TRHDE: variants seen among roughly 807,000 people sequenced by gnomAD.
TRHDE encodes the protein thyrotropin releasing hormone degrading enzyme.
Under a neutral mutation model 125.7 loss-of-function variants are expected in TRHDE, and 72 were observed. The observed-to-expected ratio is 0.57, with a 90% CI of 0.47 to 0.70. The LOEUF is 0.70. Among genes scored for constraint, TRHDE ranks in the 30% least tolerant of loss-of-function variants. TRHDE has a pLI of 0.00. For missense variants in TRHDE, 1,110 were observed against 1,327.1 expected (o/e 0.84, Z 2.54); for synonymous variants, 509 against 509.1 (o/e 1.00, Z 0.00).
chr12:72,352,272 T>G (rs1046955722), intron 2 of TRHDE, among the ~76,000 whole-genome samples: 5 of 151,742 alleles, frequency 3.3e-5, no homozygotes, highest in African/African-American at 1.2e-4. Context: ...TTTTCTTAAT[T>G]GTGTCTGTTT....
At chr12:72,401,275 C>T (rs1873032858) in intron 3 of TRHDE, among the ~76,000 whole-genome samples, 1 of 152,146 alleles carries the variant, frequency 6.6e-6, no homozygotes, top group Admixed American at 6.5e-5. Context: ...AGCTAACACC[C>T]ACTGAGGTCT....
intron 2 of TRHDE, among the ~76,000 whole-genome samples, chr12:72,342,919 G>T (rs1034801274): frequency 2.0e-5 from 3 of 152,058 alleles, no homozygotes; most frequent in Non-Finnish European, 4.4e-5. Context: ...TTATTATGTG[G>T]CAGGCACTGT....
rs1407512919 is a variant in TRHDE at position 72,597,707 on chromosome 12, GTGTATGTATATA to G, written c.2322-21182_2322-21171del. 1.1e-3 allele frequency among the ~76,000 whole-genome samples: 54 copies of G among 47,628 alleles called. 1 individual carries two copies. The highest frequency in any genetic ancestry group is 8.6e-3 in the African/African-American group (51 of 5,896). 31.2% of individuals were successfully genotyped at this position (47,628 alleles called of 152,430 possible). ...CTAAGAGAGGTATATATATGTGTGT[GTGTATGTATATA>G]TATATATATATATATATATATATAT... On this transcript the variant is annotated intron_variant, in intron 12 of 18. Transcript: ENST00000261180.
At chr12:72,581,128 G>C (rs180887416) in intron 12 of TRHDE, among the ~76,000 whole-genome samples, 6 of 152,302 alleles carry the variant, frequency 3.9e-5, no homozygotes, top group African/African-American at 1.4e-4. Flanking sequence ...GCACAATTTG[G>C]ATAAAGCAGA....
chr12:72,238,772 TTTTC>T (rs1252624452), intron 2 of TRHDE, among the ~76,000 whole-genome samples: 1 of 152,202 alleles, frequency 6.6e-6, no homozygotes, highest in Non-Finnish European at 1.5e-5. Context: ...ATGTGCCACA[TTTTC>T]TTTATCAAGT....
intron 12 of TRHDE, among the ~76,000 whole-genome samples, chr12:72,613,244 T>C (rs1452474010): frequency 6.6e-6 from 1 of 152,190 alleles, no homozygotes; most frequent in Non-Finnish European, 1.5e-5. Context: ...ACATGCTCAC[T>C]GGCTGTAAAG....
At chr12:72,196,948 C>T (rs990754656) in intron 2 of TRHDE, among the ~76,000 whole-genome samples, 1 of 152,034 alleles carries the variant, frequency 6.6e-6, no homozygotes, top group Non-Finnish European at 1.5e-5. Flanking sequence ...CTTCCATTCT[C>T]CCTGAGCCCA....
intron 12 of TRHDE, among the ~76,000 whole-genome samples, chr12:72,585,149 A>G (rs1300009206): frequency 6.6e-6 from 1 of 152,176 alleles, no homozygotes; most frequent in East Asian, 1.9e-4. Context: ...AGCCTCTACA[A>G]GTCATTTTAT....
At chr12:72,295,302 G>A (rs574764667) in intron 2 of TRHDE, among the ~76,000 whole-genome samples, 10 of 152,160 alleles carry the variant, frequency 6.6e-5, no homozygotes, top group African/African-American at 2.2e-4. Flanking sequence ...CCTGGCTCTC[G>A]CGGGCTCCAT....
intron 3 of TRHDE, among the ~76,000 whole-genome samples, chr12:72,423,801 A>G (rs1485037565): frequency 6.6e-6 from 1 of 152,044 alleles, no homozygotes; most frequent in African/African-American, 2.4e-5. Context: ...TTAAAAGTGG[A>G]AGAGGAAGCA....
intron 3 of TRHDE, among the ~76,000 whole-genome samples, chr12:72,437,783 C>T (rs530500194): frequency 3.4e-4 from 51 of 151,602 alleles, no homozygotes; most frequent in African/African-American, 9.7e-4. Context: ...TTTTATGGTG[C>T]GAACACTTTA....
At chr12:72,612,510 C>T (rs546895542) in intron 12 of TRHDE, among the ~76,000 whole-genome samples, 5 of 152,264 alleles carry the variant, frequency 3.3e-5, no homozygotes, top group Admixed American at 1.3e-4. Flanking sequence ...TCAGTCCTGG[C>T]TTTGAATTCT....
At chr12:72,548,478 G>T (rs184595193) in intron 7 of TRHDE, among the ~76,000 whole-genome samples, 1 of 151,552 alleles carries the variant, frequency 6.6e-6, no homozygotes, top group Non-Finnish European at 1.5e-5. Context: ...CAATAAATTA[G>T]AATCTACTTC....
At chr12:72,432,396 G>A (rs181158261) in intron 3 of TRHDE, among the ~76,000 whole-genome samples, 1 of 152,124 alleles carries the variant, frequency 6.6e-6, no homozygotes, top group Non-Finnish European at 1.5e-5. Context: ...AGTGTCACAT[G>A]TGCAGATGAT....
chr12:72,369,867 G>A (rs369045966), intron 2 of TRHDE, among the ~76,000 whole-genome samples: 5 of 152,086 alleles, frequency 3.3e-5, no homozygotes, highest in East Asian at 1.9e-4. Context: ...GTCAGAAAAC[G>A]CTGCAAATAA....
At chr12:72,292,865 C>T (rs1240758590) in intron 2 of TRHDE, among the ~76,000 whole-genome samples, 2 of 152,056 alleles carry the variant, frequency 1.3e-5, no homozygotes. Context: ...AATGTAGCAA[C>T]AAAAAGTAAC....
At chr12:72,423,960 A>C (rs147114078) in intron 3 of TRHDE, among the ~76,000 whole-genome samples, 9 of 152,286 alleles carry the variant, frequency 5.9e-5, no homozygotes, top group African/African-American at 2.2e-4. Context: ...GAAGACAAGA[A>C]ACAGATTTGC....
chr12:72,322,943 A>G (rs1378208865), intron 2 of TRHDE, among the ~76,000 whole-genome samples: 1 of 152,104 alleles, frequency 6.6e-6, no homozygotes, highest in African/African-American at 2.4e-5. Flanking sequence ...GCTGTGTAAT[A>G]TTGGAGAAGC....
At chr12:72,582,059 G>A (rs1172252307) in intron 12 of TRHDE, among the ~76,000 whole-genome samples, 1 of 127,084 alleles carries the variant, frequency 7.9e-6, no homozygotes. Context: ...CCAAGATGGT[G>A]CCACTGCACT....
Sources: allele counts gnomAD v4.1 joint callset (sites outside exome capture counted in the v4.1 genomes callset), GRCh38; gene constraint gnomAD v4.1.1; transcripts MANE v1.5; gene names NCBI Gene and HGNC (gene_info 2026-07-23, HGNC 2026-07-21).